The following ARID3B variants were observed in gnomAD, a reference collection of about 807,000 sequenced individuals.
ARID3B encodes AT-rich interactive domain-containing protein 3B.
Under a neutral mutation model 51.9 loss-of-function variants are expected in ARID3B, and 10 were observed. That is an observed-to-expected ratio of 0.19 (90% CI 0.12 to 0.33). ARID3B has a LOEUF of 0.33. ARID3B is among the 10% of genes least tolerant of loss of function. ARID3B has a pLI of 1.00. For missense variants in ARID3B, 483 were observed against 716.3 expected, an observed-to-expected ratio of 0.67 and a Z score of 3.72; for synonymous variants, 205 against 279.5, an observed-to-expected ratio of 0.73 and a Z score of 2.66.
At chr15:74,589,308 C>T (rs2061794706) in intron 4 of ARID3B, among the ~76,000 whole-genome samples, 3 of 152,014 alleles carry the variant, frequency 2.0e-5, no homozygotes, top group South Asian at 4.2e-4. Flanking sequence ...GGATTACAGG[C>T]GTGAGCCACC....
intron 2 of ARID3B, among the ~76,000 whole-genome samples, chr15:74,561,812 A>G (rs763923042): frequency 7.2e-5 from 11 of 152,232 alleles, no homozygotes; most frequent in Non-Finnish European, 1.0e-4. Context: ...ATGGTGGTAC[A>G]AAAGCCATGC....
intron 4 of ARID3B, among the ~76,000 whole-genome samples, chr15:74,575,335 T>G (rs879594259): frequency 8.5e-5 from 13 of 152,216 alleles, no homozygotes; most frequent in Non-Finnish European, 1.9e-4. Flanking sequence ...AGTAATTGTT[T>G]ACTACTATAT....
chr15:74,573,154 C>T lies in ARID3B; in HGVS notation c.647C>T (p.Pro216Leu). The change falls in exon 4 of 9, where the codon CCT (proline) becomes CTT (leucine). Residue 216 changes from proline to leucine, a missense_variant. Transcript: ENST00000346246. ...FAKLYELDGD[P>L]ERKEFLDDLF... ...CAGCTGTATGAACTGGACGGTGATC[C>T]TGAAAGGAAAGAGTTCCTGGATGAC... 1 of 1,613,992 alleles carries T rather than the reference C, an allele frequency of 6.2e-7. No homozygotes were observed. The highest frequency in any genetic ancestry group is 8.5e-7 in the Non-Finnish European group (1 of 1,180,022).
intron 2 of ARID3B, 94 bp from the exon 3 acceptor site, chr15:74,572,768 A>G: frequency 1.7e-6 from 2 of 1,202,386 alleles, no homozygotes; most frequent in South Asian, 1.2e-5. Context: ...ATTGCTAAGC[A>G]TCTTCATCTT....
At chr15:74,558,201 G>GTTTCTTTTTTTT (rs2061666676) in intron 2 of ARID3B, among the ~76,000 whole-genome samples, 3 of 135,132 alleles carry the variant, frequency 2.2e-5, no homozygotes, top group Admixed American at 7.6e-5. Context: ...TTTTTTTTGG[G>GTTTCTTTTTTTT]TACTATTTTT....
intron 2 of ARID3B, among the ~76,000 whole-genome samples, chr15:74,556,351 A>G (rs1461165977): frequency 6.6e-6 from 1 of 152,178 alleles, no homozygotes; most frequent in African/African-American, 2.4e-5. Context: ...GATATCTTAT[A>G]TGGGTGTGAT....
chr15:74,566,480 G>A (rs2061699023), intron 2 of ARID3B, among the ~76,000 whole-genome samples: 1 of 151,852 alleles, frequency 6.6e-6, no homozygotes, highest in Admixed American at 6.6e-5. Flanking sequence ...GCGCGTGCCT[G>A]TAATCCCAGC....
Position 74,597,968 on chromosome 15 carries a change from T to C in ARID3B, c.*2194T>C, listed in dbSNP as rs771626950. On this transcript the variant is annotated 3_prime_UTR_variant, in exon 9 of 9. Transcript: ENST00000346246. ...CTGTCCCCTCCTGCTCTCCATCTTA[T>C]ATGTATTCTAACCAGGAAAAATGTG... 186 of 531,742 alleles carry C rather than the reference T, an allele frequency of 3.5e-4. 1 individual carries two copies. Among genetic ancestry groups the C allele is most frequent in the South Asian group, 1.5e-3 (97 of 65,216 alleles). The allele number at this position is 531,742 out of a possible 1,614,324, so 32.9% of individuals were successfully genotyped here.
At chr15:74,567,025 T>C (rs1397005340) in intron 2 of ARID3B, among the ~76,000 whole-genome samples, 5 of 152,262 alleles carry the variant, frequency 3.3e-5, no homozygotes, top group South Asian at 4.1e-4. Flanking sequence ...ATTTTTTTTT[T>C]CAACAAAAAT....
At chr15:74,588,203 C>T (rs560716257) in intron 4 of ARID3B, among the ~76,000 whole-genome samples, 13 of 151,350 alleles carry the variant, frequency 8.6e-5, no homozygotes, top group Non-Finnish European at 1.5e-4. Context: ...CGCTGCACTC[C>T]AGTCTGGGCA....
intron 4 of ARID3B, among the ~76,000 whole-genome samples, chr15:74,583,749 G>A (rs1376265695): frequency 6.6e-6 from 1 of 152,040 alleles, no homozygotes; most frequent in African/African-American, 2.4e-5. Context: ...ATTTTGATCT[G>A]AGGGATGGTT....
At position 74,559,407 on chromosome 15, in the gene ARID3B, C is replaced by T. The variant is rs140236393; in HGVS notation, c.553-13455C>T. ...GTTCCTTCACATCAGACTATCCTCA[C>T]TCACAGTTTTGTTTGCTTGTTTTCT... On this transcript the variant is annotated intron_variant, in intron 2 of 8. Coordinates refer to ENST00000346246, the MANE Select transcript of ARID3B (RefSeq NM_006465.4). Among the ~76,000 whole-genome samples, 266 of 152,336 alleles carry T rather than the reference C, an allele frequency of 1.7e-3. 2 individuals are homozygous for T. Among genetic ancestry groups the T allele is most frequent in the Non-Finnish European group, 1.5e-3 (100 of 68,036 alleles).
chr15:74,563,489 TG>T (rs981928635), intron 2 of ARID3B, among the ~76,000 whole-genome samples: 1 of 152,216 alleles, frequency 6.6e-6, no homozygotes, highest in Non-Finnish European at 1.5e-5. Flanking sequence ...ATGTGTTGTT[TG>T]GGGGGAAAAA....
chr15:74,543,651 C>T (rs937124749), intron 1 of ARID3B, among the ~76,000 whole-genome samples: 1 of 152,048 alleles, frequency 6.6e-6, no homozygotes, highest in African/African-American at 2.4e-5. Flanking sequence ...CCCTATTTCC[C>T]CTCTTAGATC....
chr15:74,566,416 A>T (rs1294742651), intron 2 of ARID3B, among the ~76,000 whole-genome samples: 1 of 151,984 alleles, frequency 6.6e-6, no homozygotes, highest in East Asian at 1.9e-4. Flanking sequence ...CCTGGCCAAC[A>T]TGGTAAAACC....
At chr15:74,569,321 A>G (rs2061711061) in intron 2 of ARID3B, among the ~76,000 whole-genome samples, 1 of 152,152 alleles carries the variant, frequency 6.6e-6, no homozygotes, top group Non-Finnish European at 1.5e-5. Flanking sequence ...TTTAGCAGAT[A>G]TATCGGTGCT....
At chr15:74,545,703 C>T (rs1437981070) in intron 2 of ARID3B, among the ~76,000 whole-genome samples, 1 of 152,190 alleles carries the variant, frequency 6.6e-6, no homozygotes, top group Admixed American at 6.5e-5. Context: ...CACAGGGCAA[C>T]TGAGAAGTCA....
At chr15:74,562,633 C>T (rs1279988324) in intron 2 of ARID3B, among the ~76,000 whole-genome samples, 2 of 152,042 alleles carry the variant, frequency 1.3e-5, no homozygotes, top group Non-Finnish European at 1.5e-5. Context: ...ATTACAGGCA[C>T]GAGCCACCTC....
At chr15:74,543,698 C>T (rs557187869) in intron 1 of ARID3B, among the ~76,000 whole-genome samples, 162 bp from the exon 2 acceptor site, 19 of 152,266 alleles carry the variant, frequency 1.2e-4, no homozygotes, top group South Asian at 6.2e-4. Flanking sequence ...TACCCACCCA[C>T]GAAACCCCCA....
Sources: allele counts gnomAD v4.1 joint callset (sites outside exome capture counted in the v4.1 genomes callset), GRCh38; gene constraint gnomAD v4.1.1; transcripts MANE v1.5; gene names NCBI Gene and HGNC (gene_info 2026-07-23, HGNC 2026-07-21).